Variants in BAZ1B observed in about 807,000 individuals in gnomAD.
BAZ1B encodes bromodomain adjacent to zinc finger domain 1B.
Under a neutral mutation model 153.8 loss-of-function variants are expected in BAZ1B, and 22 were observed. The observed-to-expected ratio is 0.14, with a 90% CI of 0.10 to 0.20. The LOEUF is 0.20. Ranked by LOEUF, BAZ1B falls within the 10% of genes least tolerant of loss-of-function variation. The probability of loss-of-function intolerance (pLI) is 1.00; values close to 1 mark genes in which losing one functional copy is unlikely to be tolerated. For synonymous variants in BAZ1B, 676 were observed against 633.4 expected (o/e 1.07, Z -1.01); for missense variants, 1,325 against 1,799.3 (o/e 0.74, Z 4.77).
intron 3 of BAZ1B, among the ~76,000 whole-genome samples, chr7:73,504,920 G>A (rs1402202531): frequency 6.6e-6 from 1 of 152,158 alleles, no homozygotes; most frequent in Non-Finnish European, 1.5e-5. Context: ...AGGAGTCAGA[G>A]TAAATTATTG....
chr7:73,484,380 G>A (rs1789321793), intron 6 of BAZ1B, among the ~76,000 whole-genome samples: 1 of 152,096 alleles, frequency 6.6e-6, no homozygotes, highest in Admixed American at 6.6e-5. Flanking sequence ...GCTCACACCT[G>A]TAATCCCAAC....
At chr7:73,467,544 G>GT (rs1299111397) in intron 9 of BAZ1B, among the ~76,000 whole-genome samples, 2 of 150,060 alleles carry the variant, frequency 1.3e-5, no homozygotes, top group African/African-American at 4.9e-5. Flanking sequence ...TAATTTTTGT[G>GT]TTTTTTGTAG....
intron 1 of BAZ1B, among the ~76,000 whole-genome samples, chr7:73,513,971 T>C (rs536123674): frequency 6.6e-6 from 1 of 152,248 alleles, no homozygotes; most frequent in Non-Finnish European, 1.5e-5. Context: ...TTATTACAGG[T>C]TGAGGATCCC....
At chr7:73,490,045 A>G (rs1789573806) in intron 5 of BAZ1B, among the ~76,000 whole-genome samples, 1 of 152,220 alleles carries the variant, frequency 6.6e-6, no homozygotes, top group African/African-American at 2.4e-5. Context: ...AAATGAAACT[A>G]TGTACATATA....
chr7:73,442,153 A>G, intron 19 of BAZ1B, 28 bp downstream of exon 19: 2 of 254,780 alleles, frequency 7.8e-6, no homozygotes, highest in South Asian at 4.2e-5. Context: ...CACCCTCCCT[A>G]GCTGTCCCCC....
At chr7:73,475,581 G>A (rs1282807329) in intron 7 of BAZ1B, among the ~76,000 whole-genome samples, 1 of 152,220 alleles carries the variant, frequency 6.6e-6, no homozygotes, top group African/African-American at 2.4e-5. Context: ...AGGGAGAAGA[G>A]TGAGTGACTT....
Position 73,468,346 on chromosome 7 carries a change from G to A in BAZ1B, c.2866+1171C>T, listed in dbSNP as rs560363604. ...ACCTAGTGGGTAGAGGGGAGCTCCC[G>A]AATAACCTATAATGCACAGGACAGC... On this transcript the variant is annotated intron_variant, in intron 9 of 19. Coordinates refer to ENST00000339594, the MANE Select transcript of BAZ1B (RefSeq NM_032408.4). Among the ~76,000 whole-genome samples, 7 of 151,496 alleles carry A rather than the reference G, an allele frequency of 4.6e-5. No individual in the cohort carries two copies. The East Asian group carries it at 9.7e-4, about 21-fold the overall frequency.
intron 6 of BAZ1B, among the ~76,000 whole-genome samples, chr7:73,481,013 A>C (rs1583917839): frequency 6.6e-6 from 1 of 151,908 alleles, no homozygotes; most frequent in Non-Finnish European, 1.5e-5. Context: ...TGCAACCTCC[A>C]CCTCCCAGGC....
intron 6 of BAZ1B, among the ~76,000 whole-genome samples, chr7:73,478,926 C>T (rs1789095662): frequency 6.6e-6 from 1 of 151,994 alleles, no homozygotes; most frequent in Non-Finnish European, 1.5e-5. Context: ...ATCCATGGAC[C>T]CCAGATTAAG....
chr7:73,447,605 C>G (rs958579378), intron 15 of BAZ1B, among the ~76,000 whole-genome samples: 4 of 152,148 alleles, frequency 2.6e-5, no homozygotes, highest in Non-Finnish European at 4.4e-5. Context: ...AGGCCACAGA[C>G]AGTTTGGACA....
At chr7:73,443,626 T>A (rs187387583) in intron 17 of BAZ1B, among the ~76,000 whole-genome samples, 11 of 152,320 alleles carry the variant, frequency 7.2e-5, no homozygotes, top group Admixed American at 5.9e-4. Context: ...CCATAACAAC[T>A]GTCGACTCAA....
chr7:73,499,032 TA>T (rs1177966244), intron 3 of BAZ1B, among the ~76,000 whole-genome samples: 1 of 152,178 alleles, frequency 6.6e-6, no homozygotes, highest in Non-Finnish European at 1.5e-5. Context: ...TACTTATTAT[TA>T]TTTTTTTTTT....
chr7:73,485,501 C>T (rs552873020), intron 6 of BAZ1B, among the ~76,000 whole-genome samples: 10 of 151,698 alleles, frequency 6.6e-5, no homozygotes, highest in South Asian at 2.1e-4. Flanking sequence ...TGGTGAGCAC[C>T]GGTAATCCTA....
chr7:73,503,287 G>T (rs1790209447), intron 3 of BAZ1B, among the ~76,000 whole-genome samples: 1 of 151,944 alleles, frequency 6.6e-6, no homozygotes, highest in South Asian at 2.1e-4. Flanking sequence ...TCTCACTATG[G>T]TTTCGATTAG....
chr7:73,465,570 A>C, intron 10 of BAZ1B, 33 bp from the exon 11 acceptor site: 1 of 1,246,620 alleles, frequency 8.0e-7, no homozygotes, highest in Non-Finnish European at 1.1e-6. Flanking sequence ...ATAACTCTGA[A>C]AAAAAAAAAA....
At position 73,478,213 on chromosome 7, in the gene BAZ1B, T is replaced by C. The variant is rs1554573174; in HGVS notation, c.1248A>G (p.Lys416=). The C allele has an allele frequency of 2.4e-5, 38 of 1,614,172 alleles. No individual in the cohort carries two copies. The highest frequency in any genetic ancestry group is 3.2e-5 in the Non-Finnish European group (38 of 1,180,036). ...TGGGAGATTTGGAATTCCCTGTGGATTTCTGTCCATTCAGGATGCCTTTGC... is the reference window on the plus strand; with the variant it reads ...TGGGAGATTTGGAATTCCCTGTGGACTTCTGTCCATTCAGGATGCCTTTGC... The part of the protein sequence containing the change: ...GRSKGILNGQ[K]STGNSKSPKK... The change falls in exon 7 of 20, where the codon AAA becomes AAG. Residue 416 remains lysine, a synonymous_variant. Transcript: ENST00000339594.
Position 73,511,072 on chromosome 7 carries a change from G to T in BAZ1B, c.108-220C>A, listed in dbSNP as rs533257920. Among the ~76,000 whole-genome samples, 11 of 152,194 alleles carry T rather than the reference G, an allele frequency of 7.2e-5. No homozygotes were observed. In the South Asian group the frequency reaches 1.9e-3, roughly 26 times the overall value. Reference sequence around the variant, plus strand: ...GGATCACGAGGTCAGATCGAGACCAGCCTGGCTAACACGGTGAAACCCCGT... The same window carrying T: ...GGATCACGAGGTCAGATCGAGACCATCCTGGCTAACACGGTGAAACCCCGT... On this transcript the variant is annotated intron_variant, in intron 1 of 19. Transcript: ENST00000339594.
intron 4 of BAZ1B, among the ~76,000 whole-genome samples, chr7:73,496,610 T>C (rs552838501): frequency 6.6e-6 from 1 of 152,304 alleles, no homozygotes; most frequent in African/African-American, 2.4e-5. Flanking sequence ...TCTTTATTAA[T>C]GAAGGCCTCA....
At chr7:73,460,732 T>C (rs1554570246) in intron 12 of BAZ1B, among the ~76,000 whole-genome samples, 1 of 152,202 alleles carries the variant, frequency 6.6e-6, no homozygotes, top group Non-Finnish European at 1.5e-5. Context: ...GCGATCCTCC[T>C]GCTTCACTGA....
Sources: allele counts gnomAD v4.1 joint callset (sites outside exome capture counted in the v4.1 genomes callset), GRCh38; gene constraint gnomAD v4.1.1; transcripts MANE v1.5; gene names NCBI Gene and HGNC (gene_info 2026-07-23, HGNC 2026-07-21).